The following ACOT12 variants were observed in gnomAD, a reference collection of about 807,000 sequenced individuals.
ACOT12 encodes the protein acetyl-coenzyme A thioesterase.
Under a neutral mutation model 67.7 loss-of-function variants are expected in ACOT12, and 51 were observed. That is an observed-to-expected ratio of 0.75 (90% CI 0.60 to 0.95). The LOEUF (loss-of-function observed/expected upper bound fraction) is 0.95, where lower values mean the gene tolerates loss of function less well. Among genes scored for constraint, ACOT12 ranks in the 40% least tolerant of loss-of-function variants. The pLI is 0.00. For missense variants in ACOT12, 734 were observed against 708.1 expected, an observed-to-expected ratio of 1.04 and a Z score of -0.41; for synonymous variants, 251 against 244.6, an observed-to-expected ratio of 1.03 and a Z score of -0.24.
chr5:81,360,664 T>G (rs1379551895), intron 4 of ACOT12, among the ~76,000 whole-genome samples: 1 of 152,132 alleles, frequency 6.6e-6, no homozygotes, highest in African/African-American at 2.4e-5. Context: ...TGACCCTGTG[T>G]GTAGAAGGAA....
intron 3 of ACOT12, among the ~76,000 whole-genome samples, chr5:81,364,242 T>C (rs953108769): frequency 5.3e-5 from 8 of 150,664 alleles, no homozygotes; most frequent in African/African-American, 1.9e-4. Context: ...GTATATGATA[T>C]ATATGATGTC....
downstream of ACOT12, among the ~76,000 whole-genome samples, chr5:81,328,899 G>A (rs1758738628): frequency 6.6e-6 from 1 of 152,148 alleles, no homozygotes; most frequent in East Asian, 1.9e-4. Flanking sequence ...CAATTTGATA[G>A]CCACTAACCA....
chr5:81,335,193 C>T (rs1356110690), intron 12 of ACOT12, among the ~76,000 whole-genome samples: 1 of 152,174 alleles, frequency 6.6e-6, no homozygotes, highest in African/African-American at 2.4e-5. Context: ...CCTGTGCAAT[C>T]TTGGCACGTC....
chr5:81,331,140 G>A (rs746694710), intron 13 of ACOT12, among the ~76,000 whole-genome samples, 200 bp from the exon 14 acceptor site: 1 of 152,174 alleles, frequency 6.6e-6, no homozygotes, highest in Admixed American at 6.5e-5. Context: ...CCTTAGAATT[G>A]CATATACAAT....
chr5:81,394,009 C>T lies in ACOT12; in HGVS notation c.106G>A (p.Asp36Asn). 2 of 1,429,640 alleles carry T rather than the reference C, an allele frequency of 1.4e-6. No individual in the cohort carries two copies. The highest frequency in any genetic ancestry group is 1.5e-5 in the South Asian group (1 of 68,320). 88.6% of individuals were successfully genotyped at this position (1,429,640 alleles called of 1,614,324 possible). A position where few individuals can be genotyped will look rare whatever the true frequency, so the allele number is the denominator to read the frequency against. The change falls in exon 1 of 15, where the codon GAC becomes AAC. Residue 36 changes from aspartate to asparagine, a missense_variant. Asp to Asn is a conservative substitution (Grantham distance 23). Coordinates refer to ENST00000307624, the MANE Select transcript of ACOT12 (RefSeq NM_130767.3). ...LSAGQLLKWI[D>N]TTACLAAEKH... ...CTACCCGCCAGGCAGGCGGTGGTGT[C>T]GATCCACTTGAGCAGCTGCCCCGCG...
intron 4 of ACOT12, among the ~76,000 whole-genome samples, chr5:81,362,441 C>T (rs1759943053): frequency 6.6e-6 from 1 of 152,202 alleles, no homozygotes; most frequent in Admixed American, 6.5e-5. Context: ...GCTGGGATTA[C>T]AGGCATGAGC....
chr5:81,362,600 C>T (rs533572221), intron 4 of ACOT12, among the ~76,000 whole-genome samples: 9 of 152,266 alleles, frequency 5.9e-5, no homozygotes, highest in South Asian at 2.1e-4. Flanking sequence ...TTGTCACTTG[C>T]GCTCAGATAC....
chr5:81,344,343 G>A (rs1759304744), intron 8 of ACOT12, 128 bp from the exon 9 acceptor site: 7 of 872,148 alleles, frequency 8.0e-6, no homozygotes, highest in Admixed American at 2.8e-5. Flanking sequence ...GTCTCTCCAT[G>A]AACTGACTTC....
At chr5:81,388,418 C>T (rs1760785524) in intron 1 of ACOT12, among the ~76,000 whole-genome samples, 1 of 152,098 alleles carries the variant, frequency 6.6e-6, no homozygotes, top group Admixed American at 6.6e-5. Flanking sequence ...TGTTCTGGTT[C>T]TTGATTTTGA....
At chr5:81,377,473 T>A (rs1561348935) in intron 2 of ACOT12, among the ~76,000 whole-genome samples, 1 of 152,140 alleles carries the variant, frequency 6.6e-6, no homozygotes, top group East Asian at 1.9e-4. Flanking sequence ...CAACATAGTG[T>A]TGGAAGTTCT....
intron 3 of ACOT12, among the ~76,000 whole-genome samples, chr5:81,371,352 A>G (rs1760244071): frequency 6.6e-6 from 1 of 152,092 alleles, no homozygotes; most frequent in South Asian, 2.1e-4. Flanking sequence ...TCCTGGGCTC[A>G]AGCAATCCGC....
intron 5 of ACOT12, among the ~76,000 whole-genome samples, chr5:81,357,360 G>T (rs556902595): frequency 2.0e-5 from 3 of 152,168 alleles, no homozygotes; most frequent in East Asian, 1.9e-4. Context: ...TGGCAAGCAG[G>T]TTCCTGGCAC....
chr5:81,326,480 C>T (rs757372312), downstream of ACOT12, among the ~76,000 whole-genome samples: 4 of 152,092 alleles, frequency 2.6e-5, no homozygotes, highest in Non-Finnish European at 4.4e-5. Context: ...ACAAAAGACA[C>T]AAGACTTTTG....
At chr5:81,310,365 G>A in the ACOT12 span, among the ~76,000 whole-genome samples, 1 of 151,906 alleles carries the variant, frequency 6.6e-6, no homozygotes, top group Non-Finnish European at 1.5e-5. Flanking sequence ...TACATTTGAT[G>A]TATATAGAAT....
intron 2 of ACOT12, among the ~76,000 whole-genome samples, chr5:81,382,258 A>G (rs980504578): frequency 6.6e-6 from 1 of 152,176 alleles, no homozygotes; most frequent in Non-Finnish European, 1.5e-5. Context: ...TGTGATGTGC[A>G]CCTTTCCTGC....
At chr5:81,324,392 GGTGGCA>G in the ACOT12 span, among the ~76,000 whole-genome samples, 1 of 152,192 alleles carries the variant, frequency 6.6e-6, no homozygotes, top group African/African-American at 2.4e-5. Flanking sequence ...TTGGGGGAAA[GGTGGCA>G]GAATTTGGGT....
chr5:81,384,439 G>C (rs1161376731), intron 2 of ACOT12, among the ~76,000 whole-genome samples: 1 of 151,810 alleles, frequency 6.6e-6, no homozygotes, highest in Non-Finnish European at 1.5e-5. Flanking sequence ...CGCCTGGCCA[G>C]GTGTACCATT....
the ACOT12 span, among the ~76,000 whole-genome samples, chr5:81,324,353 A>G: frequency 6.6e-6 from 1 of 152,190 alleles, no homozygotes; most frequent in African/African-American, 2.4e-5. Flanking sequence ...CAAAAAGCCA[A>G]TAGAATTTGC....
At chr5:81,329,114 C>A (rs980975067), downstream of ACOT12, among the ~76,000 whole-genome samples, 2 of 152,150 alleles carry the variant, frequency 1.3e-5, no homozygotes, top group Non-Finnish European at 2.9e-5. Context: ...CATCACTCTA[C>A]TCCTTTAACT....
Sources: allele counts gnomAD v4.1 joint callset (sites outside exome capture counted in the v4.1 genomes callset), GRCh38; gene constraint gnomAD v4.1.1; transcripts MANE v1.5; gene names NCBI Gene and HGNC (gene_info 2026-07-23, HGNC 2026-07-21).